Variants in LRP1B observed in about 807,000 individuals in gnomAD.
LRP1B encodes the protein LDL receptor related protein 1B.
In LRP1B, 217 loss-of-function variants were observed where a neutral mutation model predicts 556.6. The observed-to-expected ratio is 0.39, with a 90% confidence interval of 0.35 to 0.44. LRP1B has a LOEUF of 0.44. LRP1B is among the 20% of genes least tolerant of loss of function. The pLI is 1.00. For synonymous variants in LRP1B, 2,047 were observed against 1,865.8 expected (o/e 1.10, Z -2.50); for missense variants, 5,053 against 5,620.8 (o/e 0.90, Z 3.23).
intron 3 of LRP1B, among the ~76,000 whole-genome samples, chr2:141,432,765 T>G (rs528027791): frequency 6.6e-5 from 10 of 152,142 alleles, no homozygotes; most frequent in African/African-American, 2.4e-4. Context: ...CCTCCTTTAC[T>G]CTTGATTTTA....
At chr2:141,920,630 C>T (rs529374709) in intron 1 of LRP1B, among the ~76,000 whole-genome samples, 51 of 151,994 alleles carry the variant, frequency 3.4e-4, no homozygotes, top group African/African-American at 1.2e-3. Context: ...AACTAATTTC[C>T]ATAACATTTT....
intron 1 of LRP1B, among the ~76,000 whole-genome samples, chr2:142,067,615 A>G (rs1421958438): frequency 6.6e-6 from 1 of 151,578 alleles, no homozygotes; most frequent in Non-Finnish European, 1.5e-5. Flanking sequence ...GTTTTTTCTT[A>G]TTGAGATTTG....
chr2:140,534,132 T>G lies in LRP1B; in HGVS notation c.7651A>C (p.Ser2551Arg). The G allele has an allele frequency of 2.5e-6, 4 of 1,610,986 alleles. No homozygotes were observed. The highest frequency in any genetic ancestry group is 3.4e-6 in the Non-Finnish European group (4 of 1,178,614). Residue 2551 changes from serine (S) to arginine (R), a missense_variant, in exon 47 of 91, where the codon AGC becomes CGC. Physicochemically the swap from Ser to Arg is moderately radical, Grantham distance 110. This residue lies in a region of LRP1B where 3,619 missense variants were observed against 3,931.9 expected (regional missense o/e 0.92). Coordinates refer to ENST00000389484, the MANE Select transcript of LRP1B (RefSeq NM_018557.3). ...DEKLLYCENR[S>R]CRRGFKPCYN... Reference sequence around the variant, plus strand: ...CATGGCTTGAAGCCTCTTCGACAGCTTCTGTTTTCTTATAAATAAAAGTAG... The same window carrying G: ...CATGGCTTGAAGCCTCTTCGACAGCGTCTGTTTTCTTATAAATAAAAGTAG...
intron 1 of LRP1B, among the ~76,000 whole-genome samples, chr2:142,130,404 G>T (rs1327692839): frequency 1.3e-5 from 2 of 152,208 alleles, no homozygotes; most frequent in East Asian, 3.9e-4. Flanking sequence ...TCCCGGAGGG[G>T]ACAAAATGGG....
chr2:140,752,397 T>A (rs1212320555), intron 35 of LRP1B, among the ~76,000 whole-genome samples: 1 of 150,006 alleles, frequency 6.7e-6, no homozygotes, highest in Admixed American at 6.7e-5. Context: ...CAATCTCGGC[T>A]CACTGCAAAC....
At chr2:140,540,744 A>T (rs1558954500) in intron 45 of LRP1B, among the ~76,000 whole-genome samples, 2 of 151,830 alleles carry the variant, frequency 1.3e-5, no homozygotes, top group East Asian at 3.9e-4. Flanking sequence ...CTAGTGCACA[A>T]CAGGAGGGTA....
rs2105187427 is a variant in LRP1B, at chr2:140,883,959, C to T, written c.4027G>A (p.Asp1343Asn). ...CAGTATATGTTTCCTGCTATCCAGT[C>T]GACTGTCAGGCCTTCTGGAGTAGCC... ...GLATPEGLTV[D>N]WIAGNIYWID... The change falls in exon 25 of 91, where the codon GAC becomes AAC. Residue 1343 changes from aspartate (D) to asparagine (N), a missense_variant. Coordinates refer to ENST00000389484, the MANE Select transcript of LRP1B (RefSeq NM_018557.3). The T allele has an allele frequency of 6.2e-7, 1 of 1,613,416 alleles. No homozygotes were observed. The highest frequency in any genetic ancestry group is 8.5e-7 in the Non-Finnish European group (1 of 1,179,914).
chr2:141,976,157 A>G (rs1423738450), intron 1 of LRP1B, among the ~76,000 whole-genome samples: 1 of 152,060 alleles, frequency 6.6e-6, no homozygotes, highest in Non-Finnish European at 1.5e-5. Flanking sequence ...TGTTTCTCCT[A>G]CACTGTCTTT....
At chr2:141,067,609 A>G (rs1699513428) in intron 7 of LRP1B, among the ~76,000 whole-genome samples, 1 of 151,958 alleles carries the variant, frequency 6.6e-6, no homozygotes, top group Admixed American at 6.6e-5. Flanking sequence ...GAACGTCCTT[A>G]TTTACCTAAA....
chr2:140,635,766 G>C (rs1035067594), intron 41 of LRP1B, among the ~76,000 whole-genome samples: 1 of 151,936 alleles, frequency 6.6e-6, no homozygotes, highest in African/African-American at 2.4e-5. Context: ...AGAAAGATGA[G>C]GTGTACATTT....
intron 86 of LRP1B, among the ~76,000 whole-genome samples, chr2:140,268,754 T>A (rs1443365679): frequency 6.6e-6 from 1 of 151,916 alleles, no homozygotes; most frequent in Non-Finnish European, 1.5e-5. Flanking sequence ...AAGAATGACT[T>A]AAACTATTAA....
At chr2:140,456,955 C>G (rs1185861046) in intron 61 of LRP1B, among the ~76,000 whole-genome samples, 1 of 152,106 alleles carries the variant, frequency 6.6e-6, no homozygotes, top group Non-Finnish European at 1.5e-5. Flanking sequence ...AAACAATGAT[C>G]TACAACTACT....
chr2:140,311,071 T>C (rs1168075572), intron 83 of LRP1B, among the ~76,000 whole-genome samples: 1 of 151,930 alleles, frequency 6.6e-6, no homozygotes, highest in Non-Finnish European at 1.5e-5. Context: ...TATACGCTGT[T>C]GGTGGGAATG....
At chr2:141,608,288 T>C (rs940737377) in intron 2 of LRP1B, among the ~76,000 whole-genome samples, 1 of 152,218 alleles carries the variant, frequency 6.6e-6, no homozygotes, top group African/African-American at 2.4e-5. Context: ...GCATGGTTTT[T>C]GGCAAATTTT....
chr2:141,577,046 A>C (rs1187988902), intron 2 of LRP1B, among the ~76,000 whole-genome samples: 1 of 152,068 alleles, frequency 6.6e-6, no homozygotes, highest in Non-Finnish European at 1.5e-5. Context: ...TTAGACATTA[A>C]ATTTAAGTTA....
At chr2:141,526,935 G>A (rs1212912734) in intron 2 of LRP1B, among the ~76,000 whole-genome samples, 3 of 151,900 alleles carry the variant, frequency 2.0e-5, no homozygotes, top group African/African-American at 4.8e-5. Context: ...TTTAGAATCC[G>A]GATTACAGGA....
intron 35 of LRP1B, among the ~76,000 whole-genome samples, chr2:140,764,842 T>C (rs1689046778): frequency 6.6e-6 from 1 of 152,130 alleles, no homozygotes; most frequent in Non-Finnish European, 1.5e-5. Context: ...TGTTATACAT[T>C]CTGTGGATTT....
intron 31 of LRP1B, among the ~76,000 whole-genome samples, chr2:140,830,978 G>A (rs1464122942): frequency 6.6e-6 from 1 of 151,916 alleles, no homozygotes; most frequent in Non-Finnish European, 1.5e-5. Flanking sequence ...AATATAAAAT[G>A]CCTAGAAATA....
At chr2:142,085,579 C>A (rs1056467189) in intron 1 of LRP1B, among the ~76,000 whole-genome samples, 5 of 152,222 alleles carry the variant, frequency 3.3e-5, no homozygotes, top group African/African-American at 1.2e-4. Flanking sequence ...TATGAATTTA[C>A]ATATTTCCAT....
Sources: gnomAD v4.1 joint callset for allele counts (sites outside exome capture counted in the v4.1 genomes callset) on GRCh38, gnomAD v4.1.1 for gene constraint, gnomAD v4.1.1 regional missense constraint, MANE v1.5 for transcripts, NCBI Gene and HGNC (gene_info 2026-07-23, HGNC 2026-07-21) for gene names.